The following PLCB1 variants were observed in gnomAD, a reference collection of about 807,000 sequenced individuals.
PLCB1 encodes 1-phosphatidylinositol 4,5-bisphosphate phosphodiesterase beta-1.
In PLCB1, 46 loss-of-function variants were observed where a neutral mutation model predicts 161.8. That is an observed-to-expected ratio of 0.28 (90% CI 0.22 to 0.36). The LOEUF (loss-of-function observed/expected upper bound fraction) is 0.36. Ranked by LOEUF, PLCB1 falls within the 10% of genes least tolerant of loss-of-function variation. The probability of loss-of-function intolerance (pLI) is 1.00; values close to 1 mark genes in which losing one functional copy is unlikely to be tolerated. For missense variants in PLCB1, 1,016 were observed against 1,472.5 expected, an observed-to-expected ratio of 0.69 and a Z score of 5.07; for synonymous variants, 517 against 503.7, an observed-to-expected ratio of 1.03 and a Z score of -0.35.
At chr20:8,766,227 G>A (rs1276344123) in intron 26 of PLCB1, among the ~76,000 whole-genome samples, 1 of 152,152 alleles carries the variant, frequency 6.6e-6, no homozygotes, top group Non-Finnish European at 1.5e-5. Flanking sequence ...GGTAATGTGG[G>A]AAACATAAAT....
At chr20:8,455,583 G>C (rs1292407528) in intron 3 of PLCB1, among the ~76,000 whole-genome samples, 1 of 151,394 alleles carries the variant, frequency 6.6e-6, no homozygotes, top group East Asian at 2.0e-4. Flanking sequence ...TGGGACTACC[G>C]GCACCCGCCA....
chr20:8,852,373 T>A (rs1986918471), intron 31 of PLCB1, among the ~76,000 whole-genome samples: 1 of 152,200 alleles, frequency 6.6e-6, no homozygotes, highest in African/African-American at 2.4e-5. Flanking sequence ...TTCTGTCCAA[T>A]CCAGTCTGAG....
intron 4 of PLCB1, among the ~76,000 whole-genome samples, chr20:8,633,690 ACAGTTTCTTACTC>A (rs1988673680): frequency 6.6e-6 from 1 of 152,098 alleles, no homozygotes; most frequent in Non-Finnish European, 1.5e-5. Flanking sequence ...AGAAAAGTGC[ACAGTTTCTTACTC>A]CATACCCTGA....
At chr20:8,525,415 C>T (rs1331562344) in intron 3 of PLCB1, among the ~76,000 whole-genome samples, 1 of 152,046 alleles carries the variant, frequency 6.6e-6, no homozygotes, top group Admixed American at 6.6e-5. Flanking sequence ...GTCAGCATGG[C>T]AATATTCTAG....
At chr20:8,224,803 C>T (rs757480636) in intron 2 of PLCB1, among the ~76,000 whole-genome samples, 1 of 152,140 alleles carries the variant, frequency 6.6e-6, no homozygotes, top group Non-Finnish European at 1.5e-5. Flanking sequence ...TATTCACTAT[C>T]CATCCTCACC....
At chr20:8,307,051 G>C (rs890301363) in intron 2 of PLCB1, among the ~76,000 whole-genome samples, 2 of 152,244 alleles carry the variant, frequency 1.3e-5, no homozygotes, top group Admixed American at 6.5e-5. Context: ...GTTTCCAACT[G>C]TCAGGTCTGG....
At chr20:8,629,853 C>CT (rs1199565163) in intron 4 of PLCB1, among the ~76,000 whole-genome samples, 1 of 93,342 alleles carries the variant, frequency 1.1e-5, no homozygotes, top group East Asian at 2.4e-4. Flanking sequence ...TTCTTTCTTT[C>CT]TTTCTTTCTT....
intron 3 of PLCB1, among the ~76,000 whole-genome samples, chr20:8,549,583 C>G (rs989890697): frequency 6.6e-6 from 1 of 152,098 alleles, no homozygotes; most frequent in Non-Finnish European, 1.5e-5. Flanking sequence ...AACGAATTCT[C>G]ATGAGGTCTA....
At chr20:8,583,633 G>A (rs541621108) in intron 3 of PLCB1, among the ~76,000 whole-genome samples, 1 of 152,190 alleles carries the variant, frequency 6.6e-6, no homozygotes, top group South Asian at 2.1e-4. Flanking sequence ...TGAGCTTACT[G>A]GAATATCATT....
chr20:8,857,571 T>C (rs1252525205), intron 31 of PLCB1, among the ~76,000 whole-genome samples: 1 of 152,218 alleles, frequency 6.6e-6, no homozygotes, highest in Admixed American at 6.5e-5. Flanking sequence ...CTTGGTTGTA[T>C]ACCAAACTGT....
chr20:8,742,125 A>G (rs557302624), intron 23 of PLCB1, among the ~76,000 whole-genome samples: 1 of 152,316 alleles, frequency 6.6e-6, no homozygotes, highest in South Asian at 2.1e-4. Flanking sequence ...AATGCAAAGC[A>G]TAATTAAGGA....
chr20:8,220,380 C>T (rs1979340154), intron 2 of PLCB1, among the ~76,000 whole-genome samples: 1 of 152,066 alleles, frequency 6.6e-6, no homozygotes, highest in Non-Finnish European at 1.5e-5. Context: ...GAATAGTGTT[C>T]CCTGCAAATT....
At chr20:8,358,287 C>T (rs1358914852) in intron 2 of PLCB1, among the ~76,000 whole-genome samples, 8 of 152,154 alleles carry the variant, frequency 5.3e-5, no homozygotes, top group African/African-American at 1.2e-4. Flanking sequence ...CTCACTCTGT[C>T]GCCCAGGCTG....
intron 27 of PLCB1, among the ~76,000 whole-genome samples, chr20:8,783,394 G>A (rs1378248324): frequency 6.6e-6 from 1 of 152,144 alleles, no homozygotes; most frequent in Non-Finnish European, 1.5e-5. Flanking sequence ...AGTATACCTT[G>A]CCTTTATGTT....
intron 31 of PLCB1, among the ~76,000 whole-genome samples, chr20:8,815,371 T>C (rs777537450): frequency 4.6e-5 from 7 of 152,218 alleles, no homozygotes; most frequent in Non-Finnish European, 1.0e-4. Context: ...CAGACTGTAG[T>C]GCCATGCTCT....
chr20:8,342,278 A>C (rs1985835822), intron 2 of PLCB1, among the ~76,000 whole-genome samples: 1 of 152,220 alleles, frequency 6.6e-6, no homozygotes, highest in Non-Finnish European at 1.5e-5. Context: ...TAAGACTATA[A>C]ATTTCTAAAA....
At chr20:8,201,537 T>A (rs2052091559) in intron 2 of PLCB1, among the ~76,000 whole-genome samples, 1 of 152,166 alleles carries the variant, frequency 6.6e-6, no homozygotes, top group Non-Finnish European at 1.5e-5. Flanking sequence ...AATCTCTACG[T>A]AATTCAACAT....
intron 2 of PLCB1, among the ~76,000 whole-genome samples, chr20:8,207,882 G>A (rs1978616378): frequency 6.6e-6 from 1 of 152,138 alleles, no homozygotes; most frequent in South Asian, 2.1e-4. Context: ...GCCTGGCTAA[G>A]TTCTTGTTTC....
intron 2 of PLCB1, among the ~76,000 whole-genome samples, chr20:8,281,204 T>C (rs1982860440): frequency 6.6e-6 from 1 of 152,220 alleles, no homozygotes; most frequent in South Asian, 2.1e-4. Context: ...TGGGCATCTA[T>C]AAAACAGCTT....
Sources: gnomAD v4.1 joint callset for allele counts (sites outside exome capture counted in the v4.1 genomes callset) on GRCh38, gnomAD v4.1.1 for gene constraint, MANE v1.5 for transcripts, NCBI Gene and HGNC (gene_info 2026-07-23, HGNC 2026-07-21) for gene names.